The following TAFA4 variants were observed in gnomAD, a reference collection of about 807,000 sequenced individuals.
TAFA4 encodes the protein TAFA chemokine like family member 4.
A neutral mutation model predicts 21.1 loss-of-function variants in TAFA4; 20 were observed. That is an observed-to-expected ratio of 0.95 (90% confidence interval 0.67 to 1.38). TAFA4 has a LOEUF of 1.38. Ranked by LOEUF, TAFA4 falls within the 40% of genes most tolerant of loss-of-function variation. TAFA4 has a pLI of 0.00. For synonymous variants in TAFA4, 71 were observed against 67.4 expected (o/e 1.05, Z -0.26); for missense variants, 211 against 180.9 (o/e 1.17, Z -0.95).
At chr3:68,749,323 T>G (rs1674856304) in intron 4 of TAFA4, among the ~76,000 whole-genome samples, 2 of 152,240 alleles carry the variant, frequency 1.3e-5, no homozygotes. Context: ...CCAGTTTCTA[T>G]GTCGGCATTA....
chr3:68,927,849 G>C lies in TAFA4; in HGVS notation c.-123+4391C>G, dbSNP rs1453541992. On this transcript the variant is annotated intron_variant, in intron 1 of 5. Transcript: ENST00000295569. ...GGAGGTCAAGTTTGCAGAGAGCTGT[G>C]ATCATACCACTGCACTCCAGCCTGG... Among the ~76,000 whole-genome samples, 5 of 150,096 alleles carry C rather than the reference G, an allele frequency of 3.3e-5. No individual in the cohort carries two copies. In the South Asian group the frequency reaches 1.0e-3, roughly 31 times the overall value.
At chr3:68,733,711 G>GTGTT (rs1240942862) in intron 5 of TAFA4, among the ~76,000 whole-genome samples, 6 of 152,046 alleles carry the variant, frequency 3.9e-5, no homozygotes, top group South Asian at 2.1e-4. Context: ...GAAATTTTAC[G>GTGTT]TGTTTGTTAG....
At chr3:68,740,812 T>A (rs1324336530) in intron 4 of TAFA4, among the ~76,000 whole-genome samples, 1 of 152,214 alleles carries the variant, frequency 6.6e-6, no homozygotes, top group Non-Finnish European at 1.5e-5. Flanking sequence ...CTTTTCAAGT[T>A]AACTTTTCCA....
intron 3 of TAFA4, among the ~76,000 whole-genome samples, chr3:68,758,023 A>G (rs1321800803): frequency 6.6e-6 from 1 of 152,162 alleles, no homozygotes; most frequent in Non-Finnish European, 1.5e-5. Context: ...AAATGTACAG[A>G]AATTAACTAA....
chr3:68,919,177 G>T (rs2090033801), intron 1 of TAFA4, among the ~76,000 whole-genome samples: 1 of 152,176 alleles, frequency 6.6e-6, no homozygotes, highest in African/African-American at 2.4e-5. Context: ...AGCGCCCAAG[G>T]AGCTGTCTGA....
chr3:68,742,536 A>G (rs1209948421), intron 4 of TAFA4, among the ~76,000 whole-genome samples: 1 of 152,132 alleles, frequency 6.6e-6, no homozygotes, highest in Non-Finnish European at 1.5e-5. Context: ...GCATTTTCTA[A>G]TTTAAACCTC....
chr3:68,737,551 A>C (rs1002606211), intron 5 of TAFA4, among the ~76,000 whole-genome samples: 1 of 152,220 alleles, frequency 6.6e-6, no homozygotes, highest in Non-Finnish European at 1.5e-5. Flanking sequence ...TCAACCGACA[A>C]CTATTCCATT....
At chr3:68,751,200 A>G (rs997898511) in intron 4 of TAFA4, among the ~76,000 whole-genome samples, 1 of 152,210 alleles carries the variant, frequency 6.6e-6, no homozygotes, top group African/African-American at 2.4e-5. Flanking sequence ...ACTGAGACAC[A>G]GATCTTGCAG....
At chr3:68,883,459 A>C (rs555895445) in intron 2 of TAFA4, among the ~76,000 whole-genome samples, 2 of 152,304 alleles carry the variant, frequency 1.3e-5, no homozygotes, top group South Asian at 4.2e-4. Flanking sequence ...GAAACCTTAA[A>C]AACACCTGTG....
At chr3:68,783,189 C>G (rs928323389) in intron 3 of TAFA4, among the ~76,000 whole-genome samples, 5 of 152,130 alleles carry the variant, frequency 3.3e-5, no homozygotes. Context: ...CTATGAAGAT[C>G]AAATGCATTC....
intron 3 of TAFA4, among the ~76,000 whole-genome samples, chr3:68,790,070 G>A (rs1352492794): frequency 6.6e-6 from 1 of 152,104 alleles, no homozygotes; most frequent in African/African-American, 2.4e-5. Flanking sequence ...ATGTATAACT[G>A]TTGAAAGCAA....
At position 68,799,079 on chromosome 3, in the gene TAFA4, AG is replaced by A. The variant is rs1703515361; in HGVS notation, c.131-46062del. Among the ~76,000 whole-genome samples, 4 of 152,188 alleles carry A rather than the reference AG, an allele frequency of 2.6e-5. No individual in the cohort carries two copies. In the South Asian group the frequency reaches 8.3e-4, roughly 32 times the overall value. ...AAGAGTTTTTGAGCAGCAAAGCATCAGGAGTTTGTGGTAGACAGAATAATGT... is the reference window on the plus strand; with the variant it reads ...AAGAGTTTTTGAGCAGCAAAGCATCAGAGTTTGTGGTAGACAGAATAATGT... On this transcript the variant is annotated intron_variant, in intron 3 of 5. Coordinates refer to ENST00000295569, the MANE Select transcript of TAFA4 (RefSeq NM_182522.5).
intron 3 of TAFA4, among the ~76,000 whole-genome samples, chr3:68,831,621 T>C (rs1260181350): frequency 6.6e-6 from 1 of 152,180 alleles, no homozygotes; most frequent in African/African-American, 2.4e-5. Context: ...TAACATTTTT[T>C]CCTTCATTTC....
chr3:68,757,944 T>A (rs1702688203), intron 3 of TAFA4, among the ~76,000 whole-genome samples: 1 of 152,170 alleles, frequency 6.6e-6, no homozygotes, highest in African/African-American at 2.4e-5. Context: ...TTGTTACAAA[T>A]ATCCTGTGCA....
At chr3:68,737,212 G>T (rs748251407) in intron 5 of TAFA4, among the ~76,000 whole-genome samples, 6 of 151,936 alleles carry the variant, frequency 3.9e-5, no homozygotes, top group African/African-American at 1.5e-4. Context: ...ACCCTAATTC[G>T]TGGGCTACTC....
chr3:68,771,716 C>G lies in TAFA4; in HGVS notation c.131-18698G>C, dbSNP rs115134061. ...TCAACTTAAAATGTGCAAACAGATT[C>G]AGAGGTGTGAAGACCACTAACCACA... On this transcript the variant is annotated intron_variant, in intron 3 of 5. Transcript: ENST00000295569. Among the ~76,000 whole-genome samples the G allele has an allele frequency of 6.8e-3, 1,034 of 152,128 alleles. 8 individuals carry two copies. The highest frequency in any genetic ancestry group is 0.024 in the African/African-American group (989 of 41,376).
intron 1 of TAFA4, among the ~76,000 whole-genome samples, chr3:68,907,808 G>A (rs1455311626): frequency 1.3e-5 from 2 of 152,204 alleles, no homozygotes; most frequent in African/African-American, 2.4e-5. Context: ...GAGAATAGGA[G>A]ATGTACCAGC....
intron 5 of TAFA4, among the ~76,000 whole-genome samples, chr3:68,734,287 G>A (rs190355255): frequency 1.3e-5 from 2 of 152,244 alleles, no homozygotes; most frequent in East Asian, 3.9e-4. Context: ...CAGGCCAAGG[G>A]CTGGATTTGG....
At chr3:68,856,302 T>C (rs1705068507) in intron 3 of TAFA4, among the ~76,000 whole-genome samples, 1 of 152,146 alleles carries the variant, frequency 6.6e-6, no homozygotes, top group Non-Finnish European at 1.5e-5. Context: ...CCAAAATGTT[T>C]TAAAATAAGA....
Sources: allele counts gnomAD v4.1 joint callset (sites outside exome capture counted in the v4.1 genomes callset), GRCh38; gene constraint gnomAD v4.1.1; transcripts MANE v1.5; gene names NCBI Gene and HGNC (gene_info 2026-07-23, HGNC 2026-07-21).